The following DNAH5 variants were observed in gnomAD, a reference collection of about 807,000 sequenced individuals.
DNAH5 encodes the protein axonemal beta dynein heavy chain 5.
Under a neutral mutation model 518.2 loss-of-function variants are expected in DNAH5, and 372 were observed. That is an observed-to-expected ratio of 0.72 (90% CI 0.66 to 0.78). The LOEUF (loss-of-function observed/expected upper bound fraction) is 0.78, where lower values mean the gene tolerates loss of function less well. Among genes scored for constraint, DNAH5 ranks in the 30% least tolerant of loss-of-function variants. DNAH5 has a pLI of 0.00. For synonymous variants in DNAH5, 2,039 were observed against 2,025.9 expected (o/e 1.01, Z -0.17); for missense variants, 5,523 against 5,687.0 (o/e 0.97, Z 0.93).
rs778447598 is a variant in DNAH5 at position 13,864,416 on chromosome 5, T to A, written c.4577A>T (p.Lys1526Ile). ...CTCTACCTCTATTTCCTCTTTATAT[T>A]TCAGAAGAGGTGCCTCCATGATATT... ...LRNIMEAPLL[K>I]YKEEIEDICI... Residue 1526 changes from lysine to isoleucine, a missense_variant, in exon 28 of 79, where the codon AAA becomes ATA. This residue lies in a region of DNAH5 where 5,121 missense variants were observed against 5,223.3 expected (regional missense o/e 0.98). Transcript: ENST00000265104. 14 of 1,614,026 alleles carry A rather than the reference T, an allele frequency of 8.7e-6. No homozygotes were observed. Among genetic ancestry groups the A allele is most frequent in the Middle Eastern group, 1.7e-4 (1 of 5,992 alleles).
chr5:13,958,760 T>C (rs1780948891), intron 1 of DNAH5, among the ~76,000 whole-genome samples: 1 of 152,192 alleles, frequency 6.6e-6, no homozygotes, highest in Admixed American at 6.5e-5. Context: ...TAATAGAATG[T>C]TTTAACAGGA....
chr5:13,760,863 A>G (rs1751674233), intron 60 of DNAH5, among the ~76,000 whole-genome samples: 2 of 152,240 alleles, frequency 1.3e-5, no homozygotes, highest in South Asian at 4.1e-4. Context: ...TATATTCAAC[A>G]GAACCACCTG....
At chr5:13,859,331 CA>C (rs1561448471) in intron 30 of DNAH5, 120 bp downstream of exon 30, 1 of 1,091,278 alleles carries the variant, frequency 9.2e-7, no homozygotes, top group Non-Finnish European at 1.4e-6. Flanking sequence ...ACAGTGACAA[CA>C]AAAAGATTGA....
intron 17 of DNAH5, 55 bp from the exon 18 acceptor site, chr5:13,886,184 C>G (rs888026930): frequency 2.0e-5 from 30 of 1,501,890 alleles, no homozygotes; most frequent in African/African-American, 7.0e-5. Context: ...GTTTATCTAG[C>G]TTTTGAGAGC....
rs151151393 is a variant in DNAH5, at chr5:13,792,619, T to C, written c.8225-402A>G. On this transcript the variant is annotated intron_variant, in intron 49 of 78. Transcript: ENST00000265104. ...TTATAAAATACTTTCATTTACTTTT[T>C]ATGTAAAATTTTCCAGGCAATAAGG... Among the ~76,000 whole-genome samples the C allele has an allele frequency of 8.8e-3, 1,336 of 152,280 alleles. 25 individuals are homozygous for C. Among genetic ancestry groups the C allele is most frequent in the African/African-American group, 0.03 (1,252 of 41,558 alleles).
At chr5:13,767,715 G>T (rs991446236) in intron 58 of DNAH5, among the ~76,000 whole-genome samples, 1 of 152,134 alleles carries the variant, frequency 6.6e-6, no homozygotes, top group African/African-American at 2.4e-5. Flanking sequence ...GTTGGAGAGG[G>T]GAACAAAAAC....
At chr5:13,710,422 C>A (rs1012779660) in intron 75 of DNAH5, among the ~76,000 whole-genome samples, 1 of 152,000 alleles carries the variant, frequency 6.6e-6, no homozygotes, top group African/African-American at 2.4e-5. Flanking sequence ...TGTCACACCT[C>A]AAGGAACTAG....
At position 13,842,486 on chromosome 5, in the gene DNAH5, A is replaced by AAAGG. The variant is rs1561408084; in HGVS notation, c.5272-583_5272-582insCCTT. On this transcript the variant is annotated intron_variant, in intron 32 of 78. Coordinates refer to ENST00000265104, the MANE Select transcript of DNAH5 (RefSeq NM_001369.3). ...AAGAAAGAAAGAAAGAAAGAAAGAG[A>AAAGG]AAGAAAAGAAAGAAAGAAAGAAAAA... Among the ~76,000 whole-genome samples the AAAGG allele has an allele frequency of 9.1e-4, 108 of 118,738 alleles. 11 individuals are homozygous for AAAGG. The highest frequency in any genetic ancestry group is 3.6e-3 in the African/African-American group (104 of 28,710). 77.9% of individuals were successfully genotyped at this position (118,738 alleles called of 152,430 possible).
chr5:13,919,522 T>A (rs559474702), intron 6 of DNAH5, 170 bp from the exon 7 acceptor site: 237 of 690,714 alleles, frequency 3.4e-4, no homozygotes, highest in Non-Finnish European at 5.1e-4. Context: ...CATCCATTTT[T>A]AAAACTTCAA....
intron 35 of DNAH5, among the ~76,000 whole-genome samples, chr5:13,838,434 A>G (rs28478897): frequency 0.034 from 5,159 of 152,230 alleles, 298 homozygotes; most frequent in African/African-American, 0.12. Context: ...GCCTCCTGTC[A>G]TATCAGCGGC....
At chr5:13,896,944 T>A (rs1773983752) in intron 15 of DNAH5, among the ~76,000 whole-genome samples, 1 of 142,432 alleles carries the variant, frequency 7.0e-6, no homozygotes, top group Admixed American at 7.2e-5. Flanking sequence ...TTTTCCAAAC[T>A]GTTTTGCCTA....
chr5:13,751,311 T>C, intron 64 of DNAH5, 51 bp from the exon 65 acceptor site: 1 of 1,465,850 alleles, frequency 6.8e-7, no homozygotes, highest in Non-Finnish European at 9.4e-7. Context: ...TATACCTTAC[T>C]GTGTCTTTTT....
chr5:13,932,615 C>G (rs138182796), intron 1 of DNAH5, among the ~76,000 whole-genome samples: 11 of 152,256 alleles, frequency 7.2e-5, no homozygotes, highest in Middle Eastern at 3.4e-3. Flanking sequence ...TATGTAAAAT[C>G]CACGGAGAAT....
intron 1 of DNAH5, among the ~76,000 whole-genome samples, chr5:14,004,141 T>G (rs572198474): frequency 6.1e-4 from 93 of 152,364 alleles, no homozygotes; most frequent in South Asian, 3.7e-3. Context: ...CTTCGAATAT[T>G]GCTGCTTCGT....
chr5:13,852,226 G>T (rs795515), intron 30 of DNAH5, among the ~76,000 whole-genome samples: 2 of 152,034 alleles, frequency 1.3e-5, no homozygotes, highest in Non-Finnish European at 2.9e-5. Context: ...GGAGTGCAAC[G>T]GTGTGATCTC....
At chr5:13,836,115 ATACT>A (rs1452615033) in intron 35 of DNAH5, among the ~76,000 whole-genome samples, 1 of 152,154 alleles carries the variant, frequency 6.6e-6, no homozygotes, top group Non-Finnish European at 1.5e-5. Flanking sequence ...GGGGGCCATT[ATACT>A]TACTATCACA....
At chr5:13,866,422 T>C in intron 25 of DNAH5, 140 bp from the exon 26 acceptor site, 1 of 731,380 alleles carries the variant, frequency 1.4e-6, no homozygotes, top group Non-Finnish European at 2.2e-6. Context: ...AAAAAGGGCC[T>C]CACAAAGTGA....
chr5:13,796,429 A>G lies in DNAH5; in HGVS notation c.7888-2371T>C, dbSNP rs574766683. Among the ~76,000 whole-genome samples the G allele has an allele frequency of 2.0e-5, 3 of 152,336 alleles. No individual in the cohort carries two copies. The East Asian group carries it at 5.8e-4, about 29-fold the overall frequency. On this transcript the variant is annotated intron_variant, in intron 47 of 78. Coordinates refer to ENST00000265104, the MANE Select transcript of DNAH5 (RefSeq NM_001369.3). Reference sequence around the variant, plus strand: ...TAACAGACAAACAGAGAGCCAAATCATGAGTGAACTCCCATTCACAATGGC... The same window carrying G: ...TAACAGACAAACAGAGAGCCAAATCGTGAGTGAACTCCCATTCACAATGGC...
chr5:13,920,115 T>C (rs1332205269), intron 6 of DNAH5, among the ~76,000 whole-genome samples: 3 of 152,232 alleles, frequency 2.0e-5, no homozygotes, highest in African/African-American at 7.2e-5. Context: ...CATTGAGGAC[T>C]TTTCTGAATT....
Sources: gnomAD v4.1 joint callset for allele counts (sites outside exome capture counted in the v4.1 genomes callset) on GRCh38, gnomAD v4.1.1 for gene constraint, gnomAD v4.1.1 regional missense constraint, MANE v1.5 for transcripts, NCBI Gene and HGNC (gene_info 2026-07-23, HGNC 2026-07-21) for gene names.